SLCO1A2: variants seen among roughly 807,000 people sequenced by gnomAD.
SLCO1A2 encodes solute carrier organic anion transporter family member 1A2, also known as OATP-1.
A neutral mutation model predicts 69.0 loss-of-function variants in SLCO1A2; 67 were observed. That is an observed-to-expected ratio of 0.97 (90% CI 0.80 to 1.19). The LOEUF is 1.19. Ranked by LOEUF, SLCO1A2 falls within the 50% of genes most tolerant of loss-of-function variation. The pLI, the probability that SLCO1A2 is intolerant of heterozygous loss-of-function variation, is 0.00. For synonymous variants in SLCO1A2, 260 were observed against 265.9 expected (o/e 0.98, Z 0.22); for missense variants, 787 against 793.7 (o/e 0.99, Z 0.10).
intron 3 of SLCO1A2, among the ~76,000 whole-genome samples, chr12:21,315,649 A>G (rs2136704194): frequency 6.6e-6 from 1 of 152,272 alleles, no homozygotes; most frequent in East Asian, 1.9e-4. Context: ...CCTTGTGTGT[A>G]GAAGATATGT....
At chr12:21,325,478 T>A (rs1259598946) in intron 2 of SLCO1A2, among the ~76,000 whole-genome samples, 1 of 152,226 alleles carries the variant, frequency 6.6e-6, no homozygotes, top group South Asian at 2.1e-4. Flanking sequence ...CAGCAAGGGA[T>A]TGAGCCAAGG....
At chr12:21,317,660 G>T (rs1306894542) in intron 3 of SLCO1A2, among the ~76,000 whole-genome samples, 1 of 152,142 alleles carries the variant, frequency 6.6e-6, no homozygotes, top group East Asian at 1.9e-4. Context: ...GGTGATACAG[G>T]CTAAGATCTA....
intron 12 of SLCO1A2, among the ~76,000 whole-genome samples, chr12:21,282,643 T>C (rs757126313): frequency 6.6e-6 from 1 of 151,990 alleles, no homozygotes; most frequent in Non-Finnish European, 1.5e-5. Context: ...AATTAAGAAG[T>C]CAAATTATCA....
At position 21,300,542 on chromosome 12, in the gene SLCO1A2, G is replaced by C; in HGVS notation, c.716C>G (p.Thr239Ser). ...TDDLIITPTD[T>S]RWVGAWWFGF... ...AAACCACCATGCACCGACCCAACGAGTGTCAGTGGGAGTTATGATCAGATC... is the reference window on the plus strand; with the variant it reads ...AAACCACCATGCACCGACCCAACGACTGTCAGTGGGAGTTATGATCAGATC... The change falls in exon 8 of 15, where the codon ACT becomes AGT. Residue 239 changes from threonine (T) to serine (S), a missense_variant. Physicochemically the swap from Thr to Ser is moderately conservative, Grantham distance 58 (BLOSUM62 1). Transcript: ENST00000683939. 1 of 1,612,354 alleles carries C rather than the reference G, an allele frequency of 6.2e-7. No individual in the cohort carries two copies. Among genetic ancestry groups the C allele is most frequent in the Non-Finnish European group, 8.5e-7 (1 of 1,179,190 alleles).
rs372230387 is a variant in SLCO1A2, at chr12:21,341,801, C to A, written c.-62-7092G>T. Among the ~76,000 whole-genome samples the A allele has an allele frequency of 2.0e-4, 30 of 152,040 alleles. No individual in the cohort carries two copies. In the South Asian group the frequency reaches 6.2e-3, roughly 32 times the overall value. Reference sequence around the variant, plus strand: ...AATCATTTAAATCATATAAAGGAAACAGTTTGGAGCTCTATGTATGTATAA... The same window carrying A: ...AATCATTTAAATCATATAAAGGAAAAAGTTTGGAGCTCTATGTATGTATAA... On this transcript the variant is annotated intron_variant, in intron 2 of 15. Coordinates refer to the SLCO1A2 transcript ENST00000307378.
At chr12:21,378,318 C>T (rs1940358330) in intron 1 of SLCO1A2, 1 of 1,614,026 alleles carries the variant, frequency 6.2e-7, no homozygotes, top group Admixed American at 1.7e-5. Flanking sequence ...ATTCCAGCAA[C>T]AACTTTGGTG....
In SLCO1A2 at chr12:21,301,231, C is replaced by T. The variant is rs377561780; in HGVS notation, c.628G>A (p.Gly210Arg). The T allele has an allele frequency of 2.5e-6, 4 of 1,612,212 alleles. No individual in the cohort carries two copies. Among genetic ancestry groups the T allele is most frequent in the African/African-American group, 1.3e-5 (1 of 74,804 alleles). ...ETGAIIGPLI[G>R]LLLASFCANV... ...GCACAGAATGATGCCAACAAAAGTC[C>T]AATCAAAGGACCAATAATAGCTCCT... The change falls in exon 7 of 15, where the codon GGA (glycine) becomes AGA (arginine). Residue 210 changes from glycine (G) to arginine (R), a missense_variant. Transcript: ENST00000683939.
intron 1 of SLCO1A2, among the ~76,000 whole-genome samples, chr12:21,392,507 C>T (rs971750421): frequency 1.3e-5 from 2 of 152,306 alleles, no homozygotes; most frequent in Non-Finnish European, 2.9e-5. Context: ...TAAAGTCATG[C>T]TCACTAGGCT....
At chr12:21,342,101 C>G (rs559694357) in intron 2 of SLCO1A2, among the ~76,000 whole-genome samples, 164 of 152,106 alleles carry the variant, frequency 1.1e-3, no homozygotes, top group Non-Finnish European at 2.0e-3. Flanking sequence ...ATTTCTACCT[C>G]TAATGGACCA....
intron 2 of SLCO1A2, chr12:21,324,620 G>A (rs141123410): frequency 1.3e-5 from 2 of 152,348 alleles, no homozygotes; most frequent in East Asian, 1.9e-4. Context: ...AGAACTTGGA[G>A]AGAAAGGTAA....
chr12:21,404,265 AT>A (rs1448317561), intron 1 of SLCO1A2, among the ~76,000 whole-genome samples: 16 of 152,186 alleles, frequency 1.1e-4, no homozygotes, highest in Admixed American at 2.0e-4. Context: ...TCCAGGATAC[AT>A]GTGCAGGGCA....
At chr12:21,280,826 A>G (rs1348968804) in intron 12 of SLCO1A2, among the ~76,000 whole-genome samples, 3 of 152,122 alleles carry the variant, frequency 2.0e-5, no homozygotes, top group Non-Finnish European at 4.4e-5. Context: ...TCTCAAGGAT[A>G]GACCATATGT....
chr12:21,337,532 GA>G (rs35589853), upstream of SLCO1A2, among the ~76,000 whole-genome samples: 505 of 150,112 alleles, frequency 3.4e-3, no homozygotes, highest in Non-Finnish European at 5.7e-3. Context: ...TTTCCCTAGG[GA>G]AAAAAAAAAT....
chr12:21,349,251 A>C (rs921282471), intron 2 of SLCO1A2, among the ~76,000 whole-genome samples: 10 of 152,124 alleles, frequency 6.6e-5, no homozygotes, highest in Non-Finnish European at 1.3e-4. Context: ...AAAAAAGATG[A>C]ATAAGAGAAG....
upstream of SLCO1A2, among the ~76,000 whole-genome samples, chr12:21,338,897 T>C (rs533713260): frequency 3.1e-4 from 47 of 152,082 alleles, no homozygotes; most frequent in African/African-American, 1.1e-3. Flanking sequence ...ATTTTTCACA[T>C]AAATTTATGT....
chr12:21,374,480 G>T (rs1433384042), exon 2 of SLCO1A2: 1 of 152,140 alleles, frequency 6.6e-6, no homozygotes, highest in Non-Finnish European at 1.5e-5. Context: ...CTTCGAGGTA[G>T]TTTTTCTTGG....
At chr12:21,381,731 G>A (rs1359008727) in intron 1 of SLCO1A2, among the ~76,000 whole-genome samples, 6 of 152,338 alleles carry the variant, frequency 3.9e-5, no homozygotes, top group Non-Finnish European at 8.8e-5. Flanking sequence ...GGGAGGCAGA[G>A]GTTGCAGTGA....
At chr12:21,340,894 A>G (rs1006128098) in intron 2 of SLCO1A2, among the ~76,000 whole-genome samples, 3 of 152,044 alleles carry the variant, frequency 2.0e-5, no homozygotes, top group African/African-American at 7.2e-5. Context: ...AAGCTTTAAT[A>G]TAACATACAA....
intron 12 of SLCO1A2, among the ~76,000 whole-genome samples, chr12:21,283,677 G>T (rs61926253): frequency 0.096 from 14,585 of 152,048 alleles, 940 homozygotes; most frequent in Non-Finnish European, 0.15. Flanking sequence ...CATCTGACAA[G>T]GGATTAATAA....
Sources: gnomAD v4.1 joint callset for allele counts (sites outside exome capture counted in the v4.1 genomes callset) on GRCh38, gnomAD v4.1.1 for gene constraint, MANE v1.5 for transcripts, NCBI Gene and HGNC (gene_info 2026-07-23, HGNC 2026-07-21) for gene names.